The following GPC5 variants were observed in gnomAD, a reference collection of about 807,000 sequenced individuals.
The protein encoded by GPC5 is glypican-5.
In GPC5, 47 loss-of-function variants were observed where a neutral mutation model predicts 53.9. That is an observed-to-expected ratio of 0.87 (90% confidence interval 0.69 to 1.11). GPC5 has a LOEUF of 1.11. Ranked by LOEUF, GPC5 falls within the 50% of genes most tolerant of loss-of-function variation. The pLI is 0.00. For missense variants in GPC5, 748 were observed against 713.1 expected (o/e 1.05, Z -0.56); for synonymous variants, 286 against 263.3 (o/e 1.09, Z -0.84).
chr13:92,866,362 G>T lies in GPC5; in HGVS notation c.1642G>T (p.Ala548Ser). Reference sequence around the variant, plus strand: ...TGGCAGTACTTTAGACACAACAGGAGCAGGATGTGCAGTGGCGACTGAATC... The same window carrying T: ...TGGCAGTACTTTAGACACAACAGGATCAGGATGTGCAGTGGCGACTGAATC... ...DTGSTLDTTG[A>S]GCAVATESMT... Residue 548 changes from alanine (A) to serine (S), a missense_variant, in exon 8 of 8, where the codon GCA becomes TCA. Transcript: ENST00000377067. 6.2e-7 allele frequency: 1 copy of T among 1,613,154 alleles called. No homozygotes were observed. The highest frequency in any genetic ancestry group is 8.5e-7 in the Non-Finnish European group (1 of 1,179,336).
chr13:92,121,746 C>T (rs1261667013), intron 6 of GPC5, among the ~76,000 whole-genome samples: 1 of 152,178 alleles, frequency 6.6e-6, no homozygotes, highest in Non-Finnish European at 1.5e-5. Flanking sequence ...GTCATTACAT[C>T]TTCTTAGTGC....
At chr13:91,947,819 G>A (rs9523455) in intron 6 of GPC5, among the ~76,000 whole-genome samples, 92,605 of 151,998 alleles carry the variant, frequency 0.61, 28,743 homozygotes, top group East Asian at 0.74. Context: ...AACCCCTGCA[G>A]CAACAGCAAC....
intron 2 of GPC5, among the ~76,000 whole-genome samples, chr13:91,683,408 T>C (rs1313409049): frequency 1.3e-5 from 2 of 152,196 alleles, no homozygotes; most frequent in African/African-American, 4.8e-5. Flanking sequence ...TGGGAAATTA[T>C]TAGCAATTTG....
chr13:91,744,699 G>A (rs2037009644), intron 4 of GPC5, among the ~76,000 whole-genome samples: 1 of 152,068 alleles, frequency 6.6e-6, no homozygotes, highest in South Asian at 2.1e-4. Context: ...GCTGAGAGAG[G>A]TTAATAATAT....
At chr13:92,081,022 T>C (rs2041290699) in intron 6 of GPC5, among the ~76,000 whole-genome samples, 2 of 152,374 alleles carry the variant, frequency 1.3e-5, no homozygotes, top group African/African-American at 2.4e-5. Flanking sequence ...TGAATTGCTC[T>C]GTTTTTTCTT....
chr13:91,921,598 C>A (rs1008978111), intron 6 of GPC5, among the ~76,000 whole-genome samples: 4 of 151,936 alleles, frequency 2.6e-5, no homozygotes, highest in Non-Finnish European at 4.4e-5. Context: ...TATAGTATTA[C>A]CCTAAAAATG....
At chr13:92,131,856 A>G (rs2041746409) in intron 6 of GPC5, among the ~76,000 whole-genome samples, 1 of 152,054 alleles carries the variant, frequency 6.6e-6, no homozygotes, top group Non-Finnish European at 1.5e-5. Flanking sequence ...AATATTTAAA[A>G]GAAGAAAAAT....
chr13:92,152,648 A>C (rs2041915253), intron 7 of GPC5, among the ~76,000 whole-genome samples: 1 of 151,764 alleles, frequency 6.6e-6, no homozygotes, highest in Non-Finnish European at 1.5e-5. Context: ...CTGAGGCAGG[A>C]GAATGGTGTG....
intron 5 of GPC5, among the ~76,000 whole-genome samples, chr13:91,891,174 G>C (rs918517315): frequency 6.6e-6 from 1 of 152,126 alleles, no homozygotes; most frequent in Non-Finnish European, 1.5e-5. Flanking sequence ...TACTTACAGA[G>C]CTACAATCTA....
intron 6 of GPC5, among the ~76,000 whole-genome samples, chr13:92,062,589 T>C (rs1309056714): frequency 6.6e-6 from 1 of 152,076 alleles, no homozygotes; most frequent in Non-Finnish European, 1.5e-5. Context: ...ATTTGACATG[T>C]GTATCTGAAC....
intron 4 of GPC5, among the ~76,000 whole-genome samples, chr13:91,751,021 C>T (rs746331415): frequency 2.0e-5 from 3 of 152,070 alleles, no homozygotes; most frequent in Admixed American, 6.6e-5. Context: ...TCCTTTACCA[C>T]CATCTCAATT....
At chr13:92,724,911 C>A (rs1401282721) in intron 7 of GPC5, among the ~76,000 whole-genome samples, 1 of 144,228 alleles carries the variant, frequency 6.9e-6, no homozygotes, top group South Asian at 2.2e-4. Flanking sequence ...CACACACACA[C>A]AAGAAAGAAA....
intron 6 of GPC5, among the ~76,000 whole-genome samples, chr13:92,001,392 T>A (rs2040552689): frequency 6.6e-6 from 1 of 152,210 alleles, no homozygotes; most frequent in Non-Finnish European, 1.5e-5. Flanking sequence ...CAATGCTGGA[T>A]CATTCAAAAT....
intron 2 of GPC5, among the ~76,000 whole-genome samples, chr13:91,656,424 A>G (rs1366145738): frequency 2.6e-5 from 4 of 152,214 alleles, no homozygotes; most frequent in Non-Finnish European, 5.9e-5. Context: ...AAGGATGGGT[A>G]TGTAAAATGG....
chr13:92,408,740 T>A (rs1875911365), intron 7 of GPC5, among the ~76,000 whole-genome samples: 1 of 152,060 alleles, frequency 6.6e-6, no homozygotes, highest in South Asian at 2.1e-4. Flanking sequence ...CAGCCAAAGT[T>A]TTTTTATGAA....
chr13:91,995,290 A>T (rs1424508028), intron 6 of GPC5: 1 of 152,114 alleles, frequency 6.6e-6, no homozygotes, highest in African/African-American at 2.4e-5. Context: ...ATCTTCTTTT[A>T]AATGACTTGA....
chr13:92,528,158 G>A (rs1407517937), intron 7 of GPC5, among the ~76,000 whole-genome samples: 1 of 152,136 alleles, frequency 6.6e-6, no homozygotes, highest in South Asian at 2.1e-4. Flanking sequence ...TGCCAATTTT[G>A]AGCTTCTGCA....
At chr13:92,063,191 T>G (rs1349714950) in intron 6 of GPC5, among the ~76,000 whole-genome samples, 2 of 152,090 alleles carry the variant, frequency 1.3e-5, no homozygotes, top group Non-Finnish European at 2.9e-5. Flanking sequence ...AAAATAAAAT[T>G]TCAGGTTAGG....
chr13:92,385,683 A>G (rs1473077447), intron 7 of GPC5, among the ~76,000 whole-genome samples: 1 of 143,540 alleles, frequency 7.0e-6, no homozygotes, highest in Admixed American at 7.3e-5. Context: ...ATATATACAC[A>G]CATATATACC....
Sources: allele counts gnomAD v4.1 joint callset (sites outside exome capture counted in the v4.1 genomes callset), GRCh38; gene constraint gnomAD v4.1.1; transcripts MANE v1.5; gene names NCBI Gene and HGNC (gene_info 2026-07-23, HGNC 2026-07-21).